The following POLA1 variants were observed in gnomAD, a reference collection of about 807,000 sequenced individuals.
The protein encoded by POLA1 is DNA polymerase alpha catalytic subunit.
POLA1 carries 15 observed loss-of-function variants against 124.0 expected under a neutral mutation model. That is an observed-to-expected ratio of 0.12 (90% CI 0.08 to 0.19). The LOEUF is 0.19. Among genes scored for constraint, POLA1 ranks in the 10% least tolerant of loss-of-function variants. The probability of loss-of-function intolerance (pLI) is 1.00; values close to 1 mark genes in which losing one functional copy is unlikely to be tolerated. For synonymous variants in POLA1, 408 were observed against 389.4 expected (o/e 1.05, Z -0.56); for missense variants, 886 against 1,103.4 (o/e 0.80, Z 2.79).
chrX:24,732,269 T>A (rs1324313779), intron 15 of POLA1, 101 bp from the exon 16 acceptor site: 1 of 560,966 alleles, frequency 1.8e-6, no homozygotes, highest in African/African-American at 2.3e-5. Flanking sequence ...TTTTCATATG[T>A]GTTTAAATGT....
At chrX:24,722,798 CCA>C (rs1319596703) in intron 10 of POLA1, among the ~76,000 whole-genome samples, 1 of 112,068 alleles carries the variant, frequency 8.9e-6, no homozygotes, top group Admixed American at 9.4e-5. Context: ...AGCGATCTGC[CCA>C]CCTCGGCCTT....
At chrX:24,792,977 G>A (rs182422761) in intron 26 of POLA1, among the ~76,000 whole-genome samples, 206 of 110,960 alleles carry the variant, frequency 1.9e-3, no homozygotes, top group African/African-American at 6.5e-3. Context: ...AAAATTCACA[G>A]CATATCTTCT....
Position 24,828,998 on chromosome X carries a change from A to G in POLA1, c.3736+2397A>G, listed in dbSNP as rs143877963. Among the ~76,000 whole-genome samples the G allele has an allele frequency of 2.4e-3, 265 of 112,201 alleles. 2 individuals carry two copies. Among genetic ancestry groups the G allele is most frequent in the African/African-American group, 8.3e-3 (257 of 30,892 alleles). On this transcript the variant is annotated intron_variant, in intron 32 of 36. Coordinates refer to ENST00000379068, the MANE Select transcript of POLA1 (RefSeq NM_001330360.2). ...CAGCTGCTGTATCATAGGCTGCCTT[A>G]TGAATTCAGTTTTCACAAATTATTT...
intron 34 of POLA1, among the ~76,000 whole-genome samples, chrX:24,882,276 T>A (rs1287320028): frequency 8.9e-6 from 1 of 112,147 alleles, no homozygotes; most frequent in Admixed American, 9.4e-5. Flanking sequence ...CTCCTCTACA[T>A]TTTTATTTGA....
At chrX:24,848,010 A>G (rs2046498713) in intron 34 of POLA1, among the ~76,000 whole-genome samples, 1 of 111,785 alleles carries the variant, frequency 8.9e-6, no homozygotes, top group African/African-American at 3.3e-5. Flanking sequence ...CCCCAACTCA[A>G]TAGCTTTAAT....
chrX:24,763,956 C>G (rs1314240577), intron 26 of POLA1, among the ~76,000 whole-genome samples: 1 of 111,606 alleles, frequency 9.0e-6, no homozygotes, highest in Non-Finnish European at 1.9e-5. Context: ...TCCAGGCTCC[C>G]TGTTCTGTAT....
At chrX:24,729,136 C>G (rs1380302255) in intron 15 of POLA1, among the ~76,000 whole-genome samples, 2 of 112,076 alleles carry the variant, frequency 1.8e-5, no homozygotes, top group African/African-American at 6.5e-5. Context: ...TGAATGATAA[C>G]TATTGTAATT....
chrX:24,936,211 G>T (rs2047847137), intron 36 of POLA1, among the ~76,000 whole-genome samples: 1 of 112,244 alleles, frequency 8.9e-6, no homozygotes, highest in Non-Finnish European at 1.9e-5. Flanking sequence ...TATTTTTTAA[G>T]CCAGAAAATA....
At chrX:24,724,644 CT>C (rs1320573939) in intron 12 of POLA1, among the ~76,000 whole-genome samples, 193 bp downstream of exon 12, 2 of 112,266 alleles carry the variant, frequency 1.8e-5, no homozygotes, top group Non-Finnish European at 3.8e-5. Context: ...TCTCTTTAAA[CT>C]GCTTATAAAA....
At chrX:24,817,508 C>G (rs1292240190) in intron 30 of POLA1, among the ~76,000 whole-genome samples, 1 of 104,267 alleles carries the variant, frequency 9.6e-6, no homozygotes, top group Admixed American at 1.1e-4. Context: ...CTCAAGAGGC[C>G]GAGGCAGGAG....
At chrX:24,874,532 T>C (rs904651370) in intron 34 of POLA1, among the ~76,000 whole-genome samples, 12 of 112,063 alleles carry the variant, frequency 1.1e-4, no homozygotes, top group Non-Finnish European at 2.1e-4. Flanking sequence ...AGATAATTTT[T>C]TAAGTACAAT....
chrX:24,838,543 C>T (rs2046370980), intron 32 of POLA1, among the ~76,000 whole-genome samples: 1 of 112,258 alleles, frequency 8.9e-6, no homozygotes, highest in African/African-American at 3.2e-5. Context: ...TCAAATGGGG[C>T]ATAAAGTTTG....
At chrX:24,760,729 T>C (rs1326209812) in intron 26 of POLA1, among the ~76,000 whole-genome samples, 2 of 111,970 alleles carry the variant, frequency 1.8e-5, no homozygotes, top group Non-Finnish European at 3.8e-5. Flanking sequence ...AGATCATAAA[T>C]ACTGTGTTAA....
At chrX:24,969,911 A>G (rs2048279912) in intron 36 of POLA1, among the ~76,000 whole-genome samples, 1 of 111,908 alleles carries the variant, frequency 8.9e-6, no homozygotes, top group South Asian at 3.8e-4. Flanking sequence ...AAAAGTGAGA[A>G]CATGCAGCGT....
chrX:24,845,391 A>G (rs1242571168), intron 34 of POLA1, among the ~76,000 whole-genome samples: 1 of 112,041 alleles, frequency 8.9e-6, no homozygotes, highest in Admixed American at 9.5e-5. Flanking sequence ...CTTGAAAATT[A>G]GGAACTTATT....
At chrX:24,744,549 G>A (rs751531023) in intron 23 of POLA1, 1 of 351,482 alleles carries the variant, frequency 2.8e-6, no homozygotes, top group African/African-American at 2.7e-5. Context: ...AAAAAGGGTG[G>A]GTCGTTCCAC....
chrX:24,765,223 G>T (rs1350105846), intron 26 of POLA1, among the ~76,000 whole-genome samples: 4 of 110,035 alleles, frequency 3.6e-5, no homozygotes, highest in African/African-American at 1.3e-4. Context: ...CTTGGTGCAG[G>T]GTTGTATTTT....
At chrX:24,848,518 A>G (rs2046505841) in intron 34 of POLA1, among the ~76,000 whole-genome samples, 1 of 112,012 alleles carries the variant, frequency 8.9e-6, no homozygotes, top group African/African-American at 3.2e-5. Flanking sequence ...AAAAAACTTT[A>G]AAATTTTAAA....
intron 26 of POLA1, among the ~76,000 whole-genome samples, chrX:24,771,071 C>T (rs916926602): frequency 9.0e-6 from 1 of 111,306 alleles, no homozygotes; most frequent in Non-Finnish European, 1.9e-5. Flanking sequence ...TACATCTCAG[C>T]CCAGAATGCT....
Sources: gnomAD v4.1 joint callset for allele counts (sites outside exome capture counted in the v4.1 genomes callset) on GRCh38, gnomAD v4.1.1 for gene constraint, MANE v1.5 for transcripts, NCBI Gene and HGNC (gene_info 2026-07-23, HGNC 2026-07-21) for gene names.